GOLIM4: variants seen among roughly 807,000 people sequenced by gnomAD.
GOLIM4 encodes the protein golgi integral membrane protein 4.
In GOLIM4, 71 loss-of-function variants were observed where a neutral mutation model predicts 107.4. That is an observed-to-expected ratio of 0.66 (90% CI 0.55 to 0.81). The LOEUF is 0.81. Among genes scored for constraint, GOLIM4 ranks in the 30% least tolerant of loss-of-function variants. GOLIM4 has a pLI of 0.00. For synonymous variants in GOLIM4, 327 were observed against 294.8 expected, an observed-to-expected ratio of 1.11 and a Z score of -1.12; for missense variants, 830 against 826.1, an observed-to-expected ratio of 1.00 and a Z score of -0.06.
At chr3:168,011,303 G>A (rs1349200293) in intron 14 of GOLIM4, among the ~76,000 whole-genome samples, 2 of 152,140 alleles carry the variant, frequency 1.3e-5, no homozygotes, top group Non-Finnish European at 2.9e-5. Context: ...GGAAAATCGC[G>A]TCACTCCCAC....
At position 168,047,016 on chromosome 3, in the gene GOLIM4, G is replaced by T; in HGVS notation, c.263-17C>A. ...CAAGAAAATCTAGAAAATACAAGAT[G>T]GAAAAAAACAGTGATAATTCACTAC... On this transcript the variant is annotated splice_polypyrimidine_tract_variant and intron_variant, in intron 2 of 15. Transcript: ENST00000470487. 8.7e-7 allele frequency: 1 copy of T among 1,154,878 alleles called. No individual in the cohort carries two copies. The highest frequency in any genetic ancestry group is 1.2e-6 in the Non-Finnish European group (1 of 809,836). 71.5% of individuals were successfully genotyped at this position (1,154,878 alleles called of 1,614,324 possible). A position where few individuals can be genotyped will look rare whatever the true frequency, so the allele number is the denominator to read the frequency against.
chr3:168,070,542 T>C (rs1398445624), intron 1 of GOLIM4, among the ~76,000 whole-genome samples: 1 of 152,202 alleles, frequency 6.6e-6, no homozygotes, highest in Non-Finnish European at 1.5e-5. Context: ...CTAAAGTAAT[T>C]TTCTATCTGG....
At chr3:168,010,471 A>C in intron 15 of GOLIM4, 53 bp from the exon 16 acceptor site, 1 of 1,198,454 alleles carries the variant, frequency 8.3e-7, no homozygotes, top group Non-Finnish European at 1.2e-6. Context: ...AGTTAGTGAT[A>C]AATAATTCTC....
At chr3:168,020,572 G>C (rs2108215858) in intron 14 of GOLIM4, among the ~76,000 whole-genome samples, 1 of 152,276 alleles carries the variant, frequency 6.6e-6, no homozygotes, top group South Asian at 2.1e-4. Context: ...CTTGAGTAAT[G>C]GATGCTAGGT....
chr3:168,075,596 C>A (rs1387364282), intron 1 of GOLIM4, among the ~76,000 whole-genome samples: 1 of 152,122 alleles, frequency 6.6e-6, no homozygotes, highest in Non-Finnish European at 1.5e-5. Flanking sequence ...TTTTATAGAG[C>A]CTTTAGAGCT....
chr3:168,074,783 A>G (rs1313307286), intron 1 of GOLIM4, among the ~76,000 whole-genome samples: 1 of 152,184 alleles, frequency 6.6e-6, no homozygotes, highest in East Asian at 1.9e-4. Context: ...ACTTGGGAAG[A>G]TCCTAGATAT....
At chr3:168,086,826 G>T (rs917038765) in intron 1 of GOLIM4, among the ~76,000 whole-genome samples, 1 of 152,096 alleles carries the variant, frequency 6.6e-6, no homozygotes, top group Non-Finnish European at 1.5e-5. Context: ...ATACCATTCA[G>T]AAATACACAG....
intron 8 of GOLIM4, among the ~76,000 whole-genome samples, chr3:168,034,167 C>T (rs550579959): frequency 1.3e-5 from 2 of 152,330 alleles, no homozygotes; most frequent in East Asian, 3.9e-4. Context: ...GACATCCTCA[C>T]ATATCTGGCA....
chr3:168,067,051 T>A (rs1720587712), intron 1 of GOLIM4, among the ~76,000 whole-genome samples: 1 of 152,140 alleles, frequency 6.6e-6, no homozygotes, highest in Admixed American at 6.5e-5. Context: ...TTAATAAAAG[T>A]AACTAAGATA....
chr3:168,027,369 A>G (rs1718049339), intron 12 of GOLIM4, among the ~76,000 whole-genome samples: 1 of 152,020 alleles, frequency 6.6e-6, no homozygotes, highest in Admixed American at 6.6e-5. Context: ...CCCATCTCCA[A>G]CTTCCACACT....
Position 168,010,429 on chromosome 3 carries a change from A to G in GOLIM4, c.1942-11T>C. On this transcript the variant is annotated splice_polypyrimidine_tract_variant and intron_variant, in intron 15 of 15. Transcript: ENST00000470487. ...ATTTTTATCATCAGTCTTAAAATTA[A>G]AAGAAAAAAGAAAAACTAAGAGATA... The G allele has an allele frequency of 6.5e-7, 1 of 1,529,770 alleles. No homozygotes were observed. The highest frequency in any genetic ancestry group is 1.7e-4 in the Middle Eastern group (1 of 5,786). 94.8% of individuals were successfully genotyped at this position (1,529,770 alleles called of 1,614,324 possible). A position where few individuals can be genotyped will look rare whatever the true frequency, so the allele number is the denominator to read the frequency against.
chr3:168,037,146 C>T, intron 7 of GOLIM4, 152 bp from the exon 8 acceptor site: 1 of 485,590 alleles, frequency 2.1e-6, no homozygotes, highest in Non-Finnish European at 3.7e-6. Flanking sequence ...ACTATTCTTA[C>T]TTGGGCATGC....
chr3:168,029,234 C>T lies in GOLIM4; in HGVS notation c.1502G>A (p.Gly501Glu), dbSNP rs61743591. ...VQGAEDQGIQ[G>E]EEGAYERDNQ... ...GGAAGTCTCACCACCTCCTTCCTCT[C>T]CTTGGATTCCCTGGTCCTCTGCTCC... The change falls in exon 11 of 16, where the codon GGA becomes GAA. Residue 501 changes from glycine to glutamate, a missense_variant. Gly to Glu is a moderately conservative substitution (Grantham distance 98, BLOSUM62 -2). Transcript: ENST00000470487. 94,841 of 1,600,722 alleles carry T rather than the reference C, an allele frequency of 0.059. 3,284 individuals carry two copies. Among genetic ancestry groups the T allele is most frequent in the Non-Finnish European group, 0.069 (80,413 of 1,168,686 alleles).
chr3:168,059,973 G>A (rs1342620157), intron 1 of GOLIM4, among the ~76,000 whole-genome samples: 1 of 152,234 alleles, frequency 6.6e-6, no homozygotes, highest in Admixed American at 6.5e-5. Flanking sequence ...GCAGTCTAGA[G>A]TGACTGAGGC....
intron 1 of GOLIM4, among the ~76,000 whole-genome samples, chr3:168,080,126 G>A (rs931191834): frequency 2.6e-5 from 4 of 152,042 alleles, no homozygotes; most frequent in Non-Finnish European, 5.9e-5. Context: ...GAACAGTTGG[G>A]TAACATTTTA....
chr3:168,082,881 C>CTTTA (rs1398512747), intron 1 of GOLIM4, among the ~76,000 whole-genome samples: 1 of 152,268 alleles, frequency 6.6e-6, no homozygotes, highest in African/African-American at 2.4e-5. Flanking sequence ...GCAGAACAAT[C>CTTTA]TTTAATTCTT....
intron 12 of GOLIM4, among the ~76,000 whole-genome samples, chr3:168,026,778 G>C (rs769992851): frequency 6.6e-5 from 10 of 152,166 alleles, no homozygotes; most frequent in Non-Finnish European, 1.3e-4. Flanking sequence ...CAGAAATCTT[G>C]ATGCAAGGAA....
chr3:168,012,025 G>C lies in GOLIM4; in HGVS notation c.1861-1202C>G, dbSNP rs902549683. Among the ~76,000 whole-genome samples, 23 of 138,734 alleles carry C rather than the reference G, an allele frequency of 1.7e-4. 1 individual carries two copies. The highest frequency in any genetic ancestry group is 4.9e-4 in the Admixed American group (7 of 14,384). 91.0% of individuals were successfully genotyped at this position (138,734 alleles called of 152,430 possible). Reference sequence around the variant, plus strand: ...GGAACACAGTTCCTCACCAGCAACAGAACAAAGCTGGATGGAGAATGACAT... The same window carrying C: ...GGAACACAGTTCCTCACCAGCAACACAACAAAGCTGGATGGAGAATGACAT... On this transcript the variant is annotated intron_variant, in intron 14 of 15. Coordinates refer to ENST00000470487, the MANE Select transcript of GOLIM4 (RefSeq NM_014498.5).
At chr3:168,039,567 AT>A (rs1314226299) in intron 7 of GOLIM4, among the ~76,000 whole-genome samples, 3 of 151,576 alleles carry the variant, frequency 2.0e-5, no homozygotes, top group African/African-American at 2.4e-5. Context: ...CCCGGCCAAA[AT>A]TTTTTTTTCT....
Sources: allele counts gnomAD v4.1 joint callset (sites outside exome capture counted in the v4.1 genomes callset), GRCh38; gene constraint gnomAD v4.1.1; transcripts MANE v1.5; gene names NCBI Gene and HGNC (gene_info 2026-07-23, HGNC 2026-07-21).